DEPDC5: variants seen among roughly 807,000 people sequenced by gnomAD.
The protein encoded by DEPDC5 is GATOR1 complex protein DEPDC5.
In DEPDC5, 73 loss-of-function variants were observed where a neutral mutation model predicts 217.3. The ratio of observed to expected loss-of-function variants is 0.34; its 90% CI spans 0.28 to 0.41. DEPDC5 has a LOEUF of 0.41. Ranked by LOEUF, DEPDC5 falls within the 10% of genes least tolerant of loss-of-function variation. DEPDC5 has a pLI of 1.00. For missense variants in DEPDC5, 1,675 were observed against 2,070.1 expected, an observed-to-expected ratio of 0.81 and a Z score of 3.70; for synonymous variants, 733 against 756.7, an observed-to-expected ratio of 0.97 and a Z score of 0.51.
At chr22:31,819,615 C>T (rs938358159) in intron 22 of DEPDC5, among the ~76,000 whole-genome samples, 3 of 151,616 alleles carry the variant, frequency 2.0e-5, no homozygotes, top group South Asian at 2.1e-4. Context: ...ACTGTAGGTA[C>T]GTGCCACCAG....
chr22:31,785,318 G>A (rs2084872885), intron 10 of DEPDC5, among the ~76,000 whole-genome samples: 1 of 152,086 alleles, frequency 6.6e-6, no homozygotes, highest in Non-Finnish European at 1.5e-5. Context: ...CAAAGTTTCA[G>A]GATACCCAAT....
At chr22:31,866,837 C>T (rs1299576070) in intron 33 of DEPDC5, among the ~76,000 whole-genome samples, 1 of 152,144 alleles carries the variant, frequency 6.6e-6, no homozygotes, top group Non-Finnish European at 1.5e-5. Flanking sequence ...AGGGGAAGTG[C>T]CCTTCTCATC....
intron 31 of DEPDC5, among the ~76,000 whole-genome samples, chr22:31,856,497 A>T (rs751645392): frequency 6.6e-6 from 1 of 152,230 alleles, no homozygotes; most frequent in Non-Finnish European, 1.5e-5. Flanking sequence ...TATTAAAGCA[A>T]CATAATTTAA....
chr22:31,892,007 A>G (rs1602824227), intron 38 of DEPDC5, among the ~76,000 whole-genome samples: 1 of 152,224 alleles, frequency 6.6e-6, no homozygotes. Flanking sequence ...CAACATGTCA[A>G]TGATAGGACA....
chr22:31,768,689 G>T, intron 6 of DEPDC5, 125 bp from the exon 7 acceptor site: 1 of 815,796 alleles, frequency 1.2e-6, no homozygotes, highest in South Asian at 1.8e-5. Flanking sequence ...TGGTAGAAGA[G>T]ATTAGAAAGC....
chr22:31,859,560 T>C (rs2092440386), intron 32 of DEPDC5, among the ~76,000 whole-genome samples: 1 of 151,700 alleles, frequency 6.6e-6, no homozygotes, highest in Non-Finnish European at 1.5e-5. Context: ...GCCAGCTAAT[T>C]TTTTTTATTT....
At chr22:31,755,914 C>G (rs2075286683) in intron 2 of DEPDC5, among the ~76,000 whole-genome samples, 1 of 151,648 alleles carries the variant, frequency 6.6e-6, no homozygotes, top group Non-Finnish European at 1.5e-5. Context: ...CGCTCTGTCA[C>G]CAGGCTGGAG....
At chr22:31,770,085 A>C (rs1304411016) in intron 7 of DEPDC5, among the ~76,000 whole-genome samples, 4 of 149,428 alleles carry the variant, frequency 2.7e-5, no homozygotes, top group Admixed American at 2.0e-4. Context: ...AAAAAAAAAA[A>C]CAGCCAGGCA....
At chr22:31,774,893 A>T (rs1181734556) in intron 7 of DEPDC5, among the ~76,000 whole-genome samples, 1 of 152,048 alleles carries the variant, frequency 6.6e-6, no homozygotes, top group Non-Finnish European at 1.5e-5. Flanking sequence ...AGGTGCTAGG[A>T]TTACAGGCAT....
intron 35 of DEPDC5, chr22:31,873,974 G>A (rs1266814921): frequency 1.4e-5 from 4 of 294,580 alleles, no homozygotes; most frequent in African/African-American, 4.6e-5. Context: ...TGTATTTTTA[G>A]TAGAGACGGG....
chr22:31,758,864 G>A (rs1387290115), intron 3 of DEPDC5, among the ~76,000 whole-genome samples: 2 of 151,708 alleles, frequency 1.3e-5, no homozygotes. Flanking sequence ...TGCCTTCTAG[G>A]ATTTGATCAA....
chr22:31,874,314 C>T lies in DEPDC5; in HGVS notation c.3605C>T (p.Pro1202Leu), dbSNP rs780318358. Reference protein sequence around the residue: ...QLLSEQKGLSPYCFISAEVVH... With the variant: ...QLLSEQKGLSLYCFISAEVVH... ...CTCTCTGAACAGAAGGGCCTCTCAC[C>T]GTACTGCTTCATCAGCGCGGAGGTG... is the stretch of plus-strand genomic sequence containing the variant. Residue 1202 changes from proline (P) to leucine (L), a missense_variant, in exon 36 of 43, where the codon CCG becomes CTG. Around this residue, in one of 11 missense-constraint regions of DEPDC5, gnomAD observed 194 missense variants for 199.3 expected, o/e 0.97. Coordinates refer to ENST00000651528, the MANE Select transcript of DEPDC5 (RefSeq NM_001242896.3). 5.0e-6 allele frequency: 8 copies of T among 1,608,930 alleles called. No homozygotes were observed. The highest frequency in any genetic ancestry group is 2.2e-5 in the East Asian group (1 of 44,672).
At chr22:31,869,084 A>G (rs1395101385) in intron 33 of DEPDC5, among the ~76,000 whole-genome samples, 1 of 151,856 alleles carries the variant, frequency 6.6e-6, no homozygotes. Context: ...CTCTACACAC[A>G]AAAAAAAGTC....
rs2082844426 is a variant in DEPDC5, at chr22:31,766,664, G to A, written c.359G>A (p.Ser120Asn). Residue 120 changes from serine (S) to asparagine (N), a missense_variant, in exon 6 of 43, where the codon AGT becomes AAT. By Grantham distance (46) the Ser-to-Asn change is conservative (BLOSUM62 1). Transcript: ENST00000651528. ...GGGGATATGTGGCGACTAAAGAAAA[G>A]TTTGGTAAGATGTGATTTTTTTTGA... is the stretch of plus-strand genomic sequence containing the variant. ...GRGDMWRLKKSLVSTCAYITQ... is the reference protein window; with the variant it reads ...GRGDMWRLKKNLVSTCAYITQ... 1 of 1,612,884 alleles carries A rather than the reference G, an allele frequency of 6.2e-7. No homozygotes were observed. The highest frequency in any genetic ancestry group is 8.5e-7 in the Non-Finnish European group (1 of 1,179,722).
chr22:31,857,842 G>C, intron 32 of DEPDC5: 2 of 269,582 alleles, frequency 7.4e-6, no homozygotes, highest in Middle Eastern at 1.1e-3. Flanking sequence ...TTGAGCCCAG[G>C]AGTTTGAGAC....
chr22:31,787,918 A>T (rs2085183733), intron 10 of DEPDC5, among the ~76,000 whole-genome samples: 1 of 152,078 alleles, frequency 6.6e-6, no homozygotes, highest in Non-Finnish European at 1.5e-5. Context: ...TCCAGAAAAT[A>T]TGTAGAACTT....
intron 38 of DEPDC5, among the ~76,000 whole-genome samples, chr22:31,882,277 C>T (rs1024971599): frequency 6.6e-6 from 1 of 152,126 alleles, no homozygotes; most frequent in Non-Finnish European, 1.5e-5. Context: ...GAACAAGGAA[C>T]TAAGCCTGAA....
At chr22:31,901,242 C>CA (rs1241211030) in intron 40 of DEPDC5, among the ~76,000 whole-genome samples, 4,008 of 97,278 alleles carry the variant, frequency 0.041, 109 homozygotes, top group African/African-American at 0.092. Context: ...GACTCTCCCT[C>CA]AAAAAAAAAA....
intron 31 of DEPDC5, among the ~76,000 whole-genome samples, chr22:31,857,147 G>A (rs2092333274): frequency 6.6e-6 from 1 of 152,144 alleles, no homozygotes. Context: ...TTTTAAAAAT[G>A]GTGTTCACAG....
Sources: gnomAD v4.1 joint callset for allele counts (sites outside exome capture counted in the v4.1 genomes callset) on GRCh38, gnomAD v4.1.1 for gene constraint, gnomAD v4.1.1 regional missense constraint, MANE v1.5 for transcripts, NCBI Gene and HGNC (gene_info 2026-07-23, HGNC 2026-07-21) for gene names.